Variants in CLTRN observed in about 807,000 individuals in gnomAD.
CLTRN encodes the protein collectrin.
In CLTRN, 12 loss-of-function variants were observed where a neutral mutation model predicts 14.5. The observed-to-expected ratio is 0.83, with a 90% confidence interval of 0.53 to 1.34. CLTRN has a LOEUF of 1.34. Among genes scored for constraint, CLTRN ranks in the 40% most tolerant of loss-of-function variants. The probability of loss-of-function intolerance (pLI) is 0.00; values close to 1 mark genes in which losing one functional copy is unlikely to be tolerated. For synonymous variants in CLTRN, 58 were observed against 56.5 expected, an observed-to-expected ratio of 1.03 and a Z score of -0.12; for missense variants, 154 against 165.1, an observed-to-expected ratio of 0.93 and a Z score of 0.37.
upstream of CLTRN, among the ~76,000 whole-genome samples, chrX:15,669,030 A>T (rs1358158959): frequency 9.8e-5 from 11 of 111,960 alleles, no homozygotes; most frequent in East Asian, 2.8e-4. Context: ...TCAAAGAAGA[A>T]GATCTTGGAC....
At chrX:15,652,131 T>C (rs1929232631) in intron 3 of CLTRN, among the ~76,000 whole-genome samples, 1 of 112,418 alleles carries the variant, frequency 8.9e-6, no homozygotes, top group African/African-American at 3.2e-5. Context: ...TTATAGATTA[T>C]GTGCAACTAA....
chrX:15,639,446 T>C, intron 5 of CLTRN, 116 bp downstream of exon 5: 1 of 653,012 alleles, frequency 1.5e-6, no homozygotes. Flanking sequence ...ACCAATTTTT[T>C]CAAAGTTTCA....
intron 1 of CLTRN, among the ~76,000 whole-genome samples, chrX:15,672,916 G>GA (rs1429846961): frequency 2.7e-5 from 3 of 112,246 alleles, no homozygotes; most frequent in African/African-American, 9.7e-5. Context: ...CCATTATGGG[G>GA]AAAGATTATC....
chrX:15,633,153 T>C (rs1474456631), intron 5 of CLTRN, among the ~76,000 whole-genome samples: 2 of 111,148 alleles, frequency 1.8e-5, no homozygotes, highest in Non-Finnish European at 3.8e-5. Context: ...TTTCTAACCA[T>C]GTGACTGTAG....
chrX:15,655,665 A>C (rs925499504), intron 3 of CLTRN, among the ~76,000 whole-genome samples: 8 of 111,697 alleles, frequency 7.2e-5, no homozygotes, highest in Non-Finnish European at 1.1e-4. Flanking sequence ...CCACCATGAG[A>C]CTTCTCTGGC....
chrX:15,646,005 A>G (rs1430971105), intron 3 of CLTRN, among the ~76,000 whole-genome samples: 1 of 113,122 alleles, frequency 8.8e-6, no homozygotes, highest in Non-Finnish European at 1.9e-5. Context: ...TGCAGTTTTC[A>G]GGACCTGGCA....
intron 3 of CLTRN, among the ~76,000 whole-genome samples, chrX:15,649,543 G>A (rs1046044064): frequency 4.5e-5 from 5 of 111,427 alleles, no homozygotes; most frequent in Admixed American, 9.5e-5. Context: ...AAGTCATTTC[G>A]CTGTCTATGA....
chrX:15,673,170 G>C (rs1012867623), intron 1 of CLTRN, among the ~76,000 whole-genome samples: 3 of 112,529 alleles, frequency 2.7e-5, no homozygotes, highest in Admixed American at 1.9e-4. Flanking sequence ...AAAACAAACA[G>C]TGCTTCTCAA....
chrX:15,661,215 T>C (rs936527632), intron 2 of CLTRN, among the ~76,000 whole-genome samples: 13 of 112,124 alleles, frequency 1.2e-4, no homozygotes, highest in African/African-American at 4.2e-4. Context: ...CAAATGAGAA[T>C]AATAAGCTCA....
chrX:15,629,125 A>G (rs1324351715), intron 5 of CLTRN, among the ~76,000 whole-genome samples: 1 of 111,920 alleles, frequency 8.9e-6, no homozygotes, highest in African/African-American at 3.2e-5. Context: ...CCACGGAGGC[A>G]TGATGTTAGG....
intron 5 of CLTRN, among the ~76,000 whole-genome samples, chrX:15,637,359 C>T (rs748044835): frequency 1.6e-4 from 18 of 111,668 alleles, no homozygotes; most frequent in Admixed American, 8.6e-4. Flanking sequence ...TCACATTTGA[C>T]GCAACATTTT....
Position 15,661,935 on chromosome X carries a change from C to A in CLTRN, c.117+2402G>T, listed in dbSNP as rs1393178684. 5.4e-5 allele frequency among the ~76,000 whole-genome samples: 6 copies of A among 112,047 alleles called. No individual in the cohort carries two copies. The East Asian group carries it at 1.7e-3, about 31-fold the overall frequency. ...TGTGCCAGGACCTTAAATGCCCCAGCTCACCTTGCTTTTTGCACACATCTA... is the reference window on the plus strand; with the variant it reads ...TGTGCCAGGACCTTAAATGCCCCAGATCACCTTGCTTTTTGCACACATCTA... On this transcript the variant is annotated intron_variant, in intron 2 of 5. Coordinates refer to ENST00000380342, the MANE Select transcript of CLTRN (RefSeq NM_020665.6).
intron 3 of CLTRN, among the ~76,000 whole-genome samples, chrX:15,650,045 G>A (rs772298310): frequency 1.0e-5 from 1 of 100,222 alleles, no homozygotes; most frequent in East Asian, 3.1e-4. Context: ...GTCGGGGACT[G>A]TCTATGTTTT....
rs138496521 is a variant in CLTRN, at chrX:15,631,033, G to A, written c.513-2906C>T. 7.0e-3 allele frequency among the ~76,000 whole-genome samples: 789 copies of A among 112,039 alleles called. 6 individuals carry two copies. The highest frequency in any genetic ancestry group is 0.024 in the African/African-American group (746 of 30,830). On this transcript the variant is annotated intron_variant, in intron 5 of 5. Coordinates refer to ENST00000380342, the MANE Select transcript of CLTRN (RefSeq NM_020665.6). ...CATTTTGAGCGTCTACTATGTGTAT[G>A]GAAGAGATACAGTCCTTGTCCTAAA... is the stretch of plus-strand genomic sequence containing the variant.
intron 3 of CLTRN, chrX:15,646,458 A>ACCCCC: frequency 2.0e-4 from 46 of 228,749 alleles, no homozygotes; most frequent in Non-Finnish European, 2.0e-4. Flanking sequence ...AAAACCGCGC[A>ACCCCC]CCCACCCCCC....
Position 15,659,760 on chromosome X carries a change from A to G in CLTRN, c.118-659T>C, listed in dbSNP as rs112210378. 8.3e-3 allele frequency among the ~76,000 whole-genome samples: 929 copies of G among 111,512 alleles called. 3 individuals carry two copies. The highest frequency in any genetic ancestry group is 0.028 in the Middle Eastern group (6 of 217). ...AGACACAGGGAGAAGACAGCCATCT[A>G]CATACAGGCCAAAGAGAGAGGCCTG... On this transcript the variant is annotated intron_variant, in intron 2 of 5. Coordinates refer to ENST00000380342, the MANE Select transcript of CLTRN (RefSeq NM_020665.6).
chrX:15,651,769 G>A (rs1334109926), intron 3 of CLTRN, among the ~76,000 whole-genome samples: 1 of 111,533 alleles, frequency 9.0e-6, no homozygotes, highest in African/African-American at 3.3e-5. Flanking sequence ...GGGAAAAATG[G>A]ATGGATGAAA....
At chrX:15,661,675 A>G (rs1031367854) in intron 2 of CLTRN, among the ~76,000 whole-genome samples, 1 of 112,360 alleles carries the variant, frequency 8.9e-6, no homozygotes, top group African/African-American at 3.2e-5. Flanking sequence ...ATGATCCATT[A>G]ATCTACTCCA....
chrX:15,632,646 C>T lies in CLTRN; in HGVS notation c.513-4519G>A, dbSNP rs778394440. 2.8e-4 allele frequency among the ~76,000 whole-genome samples: 31 copies of T among 108,989 alleles called. No homozygotes were observed. In the Admixed American group the frequency reaches 2.9e-3, roughly 10 times the overall value. The allele number at this position is 108,989 out of a possible 115,157, so 94.6% of individuals were successfully genotyped here. On this transcript the variant is annotated intron_variant, in intron 5 of 5. Transcript: ENST00000380342. Reference sequence around the variant, plus strand: ...GTGGCTCGCGCCTGTAATCCCAGCACTTTGGGAGGCTGAGGTGGGCAGATC... The same window carrying T: ...GTGGCTCGCGCCTGTAATCCCAGCATTTTGGGAGGCTGAGGTGGGCAGATC...
Sources: gnomAD v4.1 joint callset for allele counts (sites outside exome capture counted in the v4.1 genomes callset) on GRCh38, gnomAD v4.1.1 for gene constraint, MANE v1.5 for transcripts, NCBI Gene and HGNC (gene_info 2026-07-23, HGNC 2026-07-21) for gene names.